GPD2: variants seen among roughly 807,000 people sequenced by gnomAD.
GPD2 encodes glycerol-3-phosphate dehydrogenase 2.
GPD2 carries 54 observed loss-of-function variants against 82.4 expected under a neutral mutation model. That is an observed-to-expected ratio of 0.66 (90% CI 0.53 to 0.82). GPD2 has a LOEUF of 0.82. GPD2 is among the 40% of genes least tolerant of loss of function. The probability of loss-of-function intolerance (pLI) is 0.00; values close to 1 mark genes in which losing one functional copy is unlikely to be tolerated. For synonymous variants in GPD2, 288 were observed against 306.1 expected (o/e 0.94, Z 0.62); for missense variants, 748 against 896.2 (o/e 0.83, Z 2.11).
chr2:156,462,052 T>G (rs767171034), intron 1 of GPD2, among the ~76,000 whole-genome samples: 18 of 152,186 alleles, frequency 1.2e-4, no homozygotes, highest in Admixed American at 1.0e-3. Flanking sequence ...AATTTTCGAG[T>G]TTTTTAGAAG....
intron 4 of GPD2, 113 bp downstream of exon 4, chr2:156,511,033 T>TA (rs1344854970): frequency 1.1e-6 from 1 of 915,388 alleles, no homozygotes; most frequent in East Asian, 2.4e-5. Flanking sequence ...CTGTTGGAAA[T>TA]ACCTATTTAG....
chr2:156,496,958 A>C (rs1684406368), intron 3 of GPD2, among the ~76,000 whole-genome samples: 1 of 134,532 alleles, frequency 7.4e-6, no homozygotes, highest in African/African-American at 2.5e-5. Context: ...TGTCTCAGTC[A>C]TTCTGTCTAT....
the GPD2 span, among the ~76,000 whole-genome samples, chr2:156,418,160 C>T: frequency 2.6e-5 from 4 of 151,650 alleles, no homozygotes; most frequent in East Asian, 1.9e-4. Context: ...GGTTGCAGTG[C>T]GCGGAGATTG....
At chr2:156,410,535 AG>A in the GPD2 span, among the ~76,000 whole-genome samples, 2 of 152,244 alleles carry the variant, frequency 1.3e-5, no homozygotes, top group Non-Finnish European at 2.9e-5. Context: ...TATTTAAAAA[AG>A]ATTACCATAT....
chr2:156,427,960 T>C, the GPD2 span, among the ~76,000 whole-genome samples: 1 of 152,212 alleles, frequency 6.6e-6, no homozygotes, highest in Non-Finnish European at 1.5e-5. Flanking sequence ...TATTCTGCTG[T>C]GTGCATACAA....
chr2:156,573,543 A>G (rs1319830976), intron 13 of GPD2, among the ~76,000 whole-genome samples: 1 of 152,192 alleles, frequency 6.6e-6, no homozygotes, highest in African/African-American at 2.4e-5. Context: ...ATGCAGGAAC[A>G]TATTTTATGC....
At chr2:156,569,283 A>G (rs1687515969) in intron 10 of GPD2, 80 bp from the exon 11 acceptor site, 2 of 941,594 alleles carry the variant, frequency 2.1e-6, no homozygotes, top group Admixed American at 1.8e-5. Context: ...AAATTTTGTT[A>G]TTGGTAAGTT....
In GPD2 at chr2:156,510,743, T is replaced by G. The variant is rs1684963913; in HGVS notation, c.275-53T>G. 41 of 1,485,182 alleles carry G rather than the reference T, an allele frequency of 2.8e-5. No individual in the cohort carries two copies. The Middle Eastern group carries it at 5.4e-4, about 20-fold the overall frequency. The allele number at this position is 1,485,182 out of a possible 1,614,324, so 92.0% of individuals were successfully genotyped here. On this transcript the variant is annotated intron_variant, in intron 3 of 16. Coordinates refer to ENST00000438166, the MANE Select transcript of GPD2 (RefSeq NM_000408.5). Reference sequence around the variant, plus strand: ...ACCCTGGAGAAGTGCCTTTAATGAATTACATACAAATTGTGTAATTTAAGA... The same window carrying G: ...ACCCTGGAGAAGTGCCTTTAATGAAGTACATACAAATTGTGTAATTTAAGA...
At chr2:156,444,956 C>A (rs1682314516) in intron 1 of GPD2, among the ~76,000 whole-genome samples, 1 of 152,102 alleles carries the variant, frequency 6.6e-6, no homozygotes, top group African/African-American at 2.4e-5. Context: ...CACTATGTTG[C>A]CCAGGCTGGT....
intron 3 of GPD2, among the ~76,000 whole-genome samples, chr2:156,504,925 C>T (rs1684730468): frequency 6.6e-6 from 1 of 152,018 alleles, no homozygotes; most frequent in African/African-American, 2.4e-5. Context: ...CTGTGGTTAT[C>T]TCTGAGTGGT....
chr2:156,409,796 T>G, the GPD2 span, among the ~76,000 whole-genome samples: 1 of 152,188 alleles, frequency 6.6e-6, no homozygotes, highest in Non-Finnish European at 1.5e-5. Context: ...TTCTCCAAAG[T>G]TAACATCCTG....
chr2:156,491,205 G>C (rs1573924439), intron 2 of GPD2, among the ~76,000 whole-genome samples: 2 of 152,214 alleles, frequency 1.3e-5, no homozygotes, highest in African/African-American at 4.8e-5. Context: ...GAATCATGTA[G>C]TATGTAGACT....
the GPD2 span, among the ~76,000 whole-genome samples, chr2:156,408,208 G>A: frequency 1.3e-5 from 2 of 151,900 alleles, no homozygotes; most frequent in Non-Finnish European, 2.9e-5. Context: ...GCCCACCTTG[G>A]CCTCCCAAAC....
At chr2:156,478,276 C>G (rs1683587928) in intron 2 of GPD2, among the ~76,000 whole-genome samples, 1 of 152,114 alleles carries the variant, frequency 6.6e-6, no homozygotes, top group Admixed American at 6.5e-5. Context: ...ACATCCTGAC[C>G]ACCCTAATAG....
the GPD2 span, among the ~76,000 whole-genome samples, chr2:156,416,173 C>CAT: frequency 9.7e-3 from 1,452 of 149,916 alleles, 18 homozygotes; most frequent in African/African-American, 0.026. Context: ...GTTGTATATA[C>CAT]ATATATATAT....
the GPD2 span, among the ~76,000 whole-genome samples, chr2:156,419,105 G>T: frequency 7.2e-6 from 1 of 138,006 alleles, no homozygotes; most frequent in Non-Finnish European, 1.5e-5. Context: ...TGTTGCCCAG[G>T]CTGGAGTGCA....
At chr2:156,404,952 C>G in the GPD2 span, among the ~76,000 whole-genome samples, 1 of 151,962 alleles carries the variant, frequency 6.6e-6, no homozygotes, top group Admixed American at 6.6e-5. Context: ...TTTTAGGACA[C>G]ATTCCCAGCT....
At chr2:156,428,932 TA>T in the GPD2 span, among the ~76,000 whole-genome samples, 61 of 152,208 alleles carry the variant, frequency 4.0e-4, no homozygotes, top group African/African-American at 1.4e-3. Context: ...TCTGTGCGTG[TA>T]AAAAACTTTC....
chr2:156,506,008 T>C (rs905862879), intron 3 of GPD2, among the ~76,000 whole-genome samples: 5 of 152,196 alleles, frequency 3.3e-5, no homozygotes, highest in Non-Finnish European at 7.4e-5. Context: ...ATTGTCTTCA[T>C]TGCAGTTGGT....
Sources: allele counts gnomAD v4.1 joint callset (sites outside exome capture counted in the v4.1 genomes callset), GRCh38; gene constraint gnomAD v4.1.1; transcripts MANE v1.5; gene names NCBI Gene and HGNC (gene_info 2026-07-23, HGNC 2026-07-21).